The following CIT variants were observed in gnomAD, a reference collection of about 807,000 sequenced individuals.
CIT encodes citron rho-interacting serine/threonine kinase, also known as citron Rho-interacting kinase.
A neutral mutation model predicts 272.7 loss-of-function variants in CIT; 79 were observed. The ratio of observed to expected loss-of-function variants is 0.29; its 90% CI spans 0.24 to 0.35. CIT has a LOEUF of 0.35. Among genes scored for constraint, CIT ranks in the 10% least tolerant of loss-of-function variants. The pLI is 1.00. For synonymous variants in CIT, 948 were observed against 995.6 expected, an observed-to-expected ratio of 0.95 and a Z score of 0.90; for missense variants, 1,909 against 2,618.3, an observed-to-expected ratio of 0.73 and a Z score of 5.91.
intron 9 of CIT, among the ~76,000 whole-genome samples, chr12:119,817,971 T>G (rs917464529): frequency 6.6e-6 from 1 of 152,062 alleles, no homozygotes; most frequent in African/African-American, 2.4e-5. Flanking sequence ...ACCTAGAGAT[T>G]AAATCACTCT....
At position 119,718,433 on chromosome 12, in the gene CIT, C is replaced by T. The variant is rs758938314; in HGVS notation, c.4004-24G>A. ...AGCTGCAGAGAGACCAGGACAATGC[C>T]TTTTGGTTAGCTGGGTCGCCTAGAG... On this transcript the variant is annotated intron_variant, in intron 31 of 47. Transcript: ENST00000392521. This position sits in a 1 kb window ranked among gnomAD's most constrained non-coding sequence, Gnocchi z 4.8. 12 of 1,590,220 alleles carry T rather than the reference C, an allele frequency of 7.5e-6. No individual in the cohort carries two copies. The highest frequency in any genetic ancestry group is 7.7e-6 in the Non-Finnish European group (9 of 1,165,592).
At chr12:119,790,724 T>C (rs1451018900) in intron 10 of CIT, among the ~76,000 whole-genome samples, 3 of 152,000 alleles carry the variant, frequency 2.0e-5, no homozygotes, top group Non-Finnish European at 4.4e-5. Flanking sequence ...TGACTAGGGG[T>C]GCTATTAATA....
intron 4 of CIT, among the ~76,000 whole-genome samples, chr12:119,854,728 A>G (rs1970470428): frequency 6.6e-6 from 1 of 150,412 alleles, no homozygotes; most frequent in Non-Finnish European, 1.5e-5. Context: ...AGGCAGGCAG[A>G]TCACAAGGTC....
In CIT at chr12:119,690,487, AG is replaced by A. The variant is rs759661570; in HGVS notation, c.5883-34del. 3.3e-5 allele frequency: 51 copies of A among 1,534,372 alleles called. No homozygotes were observed. The highest frequency in any genetic ancestry group is 4.4e-5 in the Admixed American group (2 of 45,158). ...CACAAGAGGAACGTAGGGAGCTGCGAGGCCACAACCCCAGAGGGGCATTTTC... is the reference window on the plus strand; with the variant it reads ...CACAAGAGGAACGTAGGGAGCTGCGAGCCACAACCCCAGAGGGGCATTTTC... On this transcript the variant is annotated intron_variant, in intron 46 of 47. Coordinates refer to ENST00000392521, the MANE Select transcript of CIT (RefSeq NM_001206999.2). The surrounding 1 kb of genome is among the most constrained non-coding windows in gnomAD (Gnocchi z 6.0).
chr12:119,690,261 G>A lies in CIT; in HGVS notation c.6076C>T (p.Arg2026Trp), dbSNP rs375206586. Residue 2026 changes from arginine (R) to tryptophan (W), a missense_variant, in exon 47 of 48, where the codon CGG (arginine) becomes TGG (tryptophan). Physicochemically the swap from Arg to Trp is moderately radical, Grantham distance 101. Coordinates refer to ENST00000392521, the MANE Select transcript of CIT (RefSeq NM_001206999.2). The surrounding 1 kb of genome is among the most constrained non-coding windows in gnomAD (Gnocchi z 6.0). Reference protein sequence around the residue: ...RPLEREKSPGRMLSTRRERSP... With the variant: ...RPLEREKSPGWMLSTRRERSP... ...CGCTCTCTCCGCGTGCTGAGCATCC[G>A]GCCGGGGGACTTCTCTCGCTCCAGG... The A allele has an allele frequency of 1.3e-6, 2 of 1,574,834 alleles. No homozygotes were observed. The highest frequency in any genetic ancestry group is 1.4e-5 in the African/African-American group (1 of 72,998).
At chr12:119,829,321 A>T (rs1968418920) in intron 7 of CIT, among the ~76,000 whole-genome samples, 1 of 129,500 alleles carries the variant, frequency 7.7e-6, no homozygotes, top group African/African-American at 3.2e-5. Context: ...TGGGTGACAG[A>T]GCAAGACTCT....
At chr12:119,708,828 T>C (rs1216851133) in intron 39 of CIT, among the ~76,000 whole-genome samples, 1 of 152,212 alleles carries the variant, frequency 6.6e-6, no homozygotes, top group Non-Finnish European at 1.5e-5. Context: ...CATTTGGCCT[T>C]TTAGTCAAGA....
chr12:119,730,759 C>A, intron 26 of CIT, 129 bp from the exon 27 acceptor site: 3 of 892,272 alleles, frequency 3.4e-6, no homozygotes, highest in Non-Finnish European at 5.0e-6. Flanking sequence ...CCAACCTTGA[C>A]TCTTAGTTCC....
chr12:119,783,000 T>A (rs1006448751), intron 12 of CIT: 1 of 165,716 alleles, frequency 6.0e-6, no homozygotes, highest in Non-Finnish European at 1.3e-5. Flanking sequence ...TCTACAGTTA[T>A]TTGTGGGCCC....
At chr12:119,799,335 C>T (rs1214070405) in intron 10 of CIT, among the ~76,000 whole-genome samples, 1 of 152,166 alleles carries the variant, frequency 6.6e-6, no homozygotes, top group Non-Finnish European at 1.5e-5. Flanking sequence ...TTTCATCCAT[C>T]CCCGCAAAAG....
chr12:119,757,870 G>C (rs929734118), intron 21 of CIT, among the ~76,000 whole-genome samples: 2 of 152,124 alleles, frequency 1.3e-5, no homozygotes, highest in Non-Finnish European at 2.9e-5. Flanking sequence ...GGGACAGAAG[G>C]GGGCCTCCTT....
At chr12:119,767,032 G>T in intron 19 of CIT, 55 bp downstream of exon 19, 1 of 1,287,490 alleles carries the variant, frequency 7.8e-7, no homozygotes, top group Non-Finnish European at 1.1e-6. Flanking sequence ...GGAAGAGATG[G>T]GAGCTACATG....
chr12:119,841,781 T>C (rs1410725441), intron 5 of CIT, among the ~76,000 whole-genome samples: 1 of 152,132 alleles, frequency 6.6e-6, no homozygotes, highest in Non-Finnish European at 1.5e-5. Context: ...ACTTCAGCCA[T>C]GTAAAAGAAG....
chr12:119,866,518 C>G (rs919008465), intron 3 of CIT, among the ~76,000 whole-genome samples: 10 of 152,022 alleles, frequency 6.6e-5, no homozygotes, highest in African/African-American at 2.4e-4. Context: ...TCTATCACAA[C>G]TACTCAAATG....
Position 119,842,729 on chromosome 12 carries a change from T to A in CIT, c.516+7445A>T, listed in dbSNP as rs535694139. ...AAAATGCAAAAGAACTCAAGTTCAA[T>A]TTCCTTGCACTGCATTCCAAATTTT... is the stretch of plus-strand genomic sequence containing the variant. On this transcript the variant is annotated intron_variant, in intron 5 of 47. Transcript: ENST00000392521. Among the ~76,000 whole-genome samples, 528 of 152,304 alleles carry A rather than the reference T, an allele frequency of 3.5e-3. 4 individuals are homozygous for A. Among genetic ancestry groups the A allele is most frequent in the African/African-American group, 0.012 (516 of 41,572 alleles).
chr12:119,853,277 T>C (rs1238659407), intron 4 of CIT, among the ~76,000 whole-genome samples: 1 of 151,260 alleles, frequency 6.6e-6, no homozygotes, highest in Non-Finnish European at 1.5e-5. Context: ...TGAGCAGAGA[T>C]TGTGCCACTG....
chr12:119,752,674 T>G (rs1960413727), intron 22 of CIT, among the ~76,000 whole-genome samples: 1 of 152,252 alleles, frequency 6.6e-6, no homozygotes. Flanking sequence ...ATTCTATTTA[T>G]TTTAAACACG....
At position 119,841,323 on chromosome 12, in the gene CIT, C is replaced by T. The variant is rs140228485; in HGVS notation, c.517-7095G>A. Reference sequence around the variant, plus strand: ...TGGAGTAGCTCGGATTACAGGTACCCGCCACCATGCCCGGCTAATTTCTAT... The same window carrying T: ...TGGAGTAGCTCGGATTACAGGTACCTGCCACCATGCCCGGCTAATTTCTAT... On this transcript the variant is annotated intron_variant, in intron 5 of 47. Coordinates refer to ENST00000392521, the MANE Select transcript of CIT (RefSeq NM_001206999.2). Among the ~76,000 whole-genome samples the T allele has an allele frequency of 1.7e-3, 254 of 152,082 alleles. 2 individuals carry two copies. Among genetic ancestry groups the T allele is most frequent in the African/African-American group, 5.8e-3 (240 of 41,492 alleles).
intron 18 of CIT, among the ~76,000 whole-genome samples, chr12:119,769,373 T>C (rs2137570052): frequency 6.6e-6 from 1 of 152,364 alleles, no homozygotes; most frequent in Middle Eastern, 3.4e-3. Flanking sequence ...TCTAGATATA[T>C]TGGATCAACT....
Sources: gnomAD v4.1 joint callset for allele counts (sites outside exome capture counted in the v4.1 genomes callset) on GRCh38, gnomAD v4.1.1 for gene constraint, Gnocchi (gnomAD v3.1) non-coding constraint, MANE v1.5 for transcripts, NCBI Gene and HGNC (gene_info 2026-07-23, HGNC 2026-07-21) for gene names.